Variants in JAK2 observed in about 807,000 individuals in gnomAD.
The protein encoded by JAK2 is Janus kinase 2.
JAK2 carries 86 observed loss-of-function variants against 139.3 expected under a neutral mutation model. The observed-to-expected ratio is 0.62, with a 90% confidence interval of 0.52 to 0.74. The LOEUF is 0.74. JAK2 is among the 30% of genes least tolerant of loss of function. The probability of loss-of-function intolerance (pLI) is 0.00; values close to 1 mark genes in which losing one functional copy is unlikely to be tolerated. For missense variants in JAK2, 1,421 were observed against 1,360.3 expected, an observed-to-expected ratio of 1.04 and a Z score of -0.70; for synonymous variants, 490 against 437.7, an observed-to-expected ratio of 1.12 and a Z score of -1.49.
chr9:5,086,182 G>C (rs1275120677), intron 19 of JAK2: 3 of 483,284 alleles, frequency 6.2e-6, no homozygotes, highest in Non-Finnish European at 8.5e-6. Context: ...CCGGTCTCCA[G>C]CAACAGCCGC....
chr9:5,041,896 G>C, intron 4 of JAK2: 1 of 415,916 alleles, frequency 2.4e-6, no homozygotes, highest in Non-Finnish European at 4.6e-6. Context: ...CAGGGCGCCT[G>C]CAGAGATGGA....
At chr9:5,100,208 T>G (rs1821359017) in intron 22 of JAK2, 1 of 152,198 alleles carries the variant, frequency 6.6e-6, no homozygotes, top group African/African-American at 2.4e-5. Context: ...ACACTACTAG[T>G]AAGCCTTTAT....
At chr9:5,041,996 G>A in intron 4 of JAK2, 1 of 354,930 alleles carries the variant, frequency 2.8e-6, no homozygotes. Flanking sequence ...GAGGGCCTTG[G>A]GGCCCACCCA....
intron 4 of JAK2, among the ~76,000 whole-genome samples, chr9:5,031,783 C>G (rs973332224): frequency 6.6e-6 from 1 of 152,142 alleles, no homozygotes; most frequent in African/African-American, 2.4e-5. Flanking sequence ...AGGGTGGAGC[C>G]AAGATGACTG....
At chr9:5,055,911 C>G in intron 8 of JAK2, 123 bp downstream of exon 8, 1 of 818,636 alleles carries the variant, frequency 1.2e-6, no homozygotes, top group Non-Finnish European at 1.9e-6. Flanking sequence ...AAATATAACT[C>G]TAAACATCAG....
chr9:5,009,592 G>A, intron 2 of JAK2, among the ~76,000 whole-genome samples: 1 of 151,554 alleles, frequency 6.6e-6, no homozygotes, highest in East Asian at 1.9e-4. Flanking sequence ...TTTCTTCTGG[G>A]GTCAGTTGTT....
intron 2 of JAK2, among the ~76,000 whole-genome samples, chr9:5,008,604 A>G (rs1216037066): frequency 1.3e-5 from 2 of 152,210 alleles, no homozygotes; most frequent in Admixed American, 6.5e-5. Context: ...AGTGATTTTT[A>G]TATGTGTGGG....
intron 20 of JAK2, 51 bp from the exon 21 acceptor site, chr9:5,090,395 A>C (rs750738278): frequency 7.8e-7 from 1 of 1,280,686 alleles, no homozygotes; most frequent in East Asian, 2.6e-5. Context: ...CTAATATTTA[A>C]TCAGTATAAT....
At chr9:5,119,640 G>T (rs189958691) in intron 22 of JAK2, among the ~76,000 whole-genome samples, 1 of 152,242 alleles carries the variant, frequency 6.6e-6, no homozygotes, top group East Asian at 1.9e-4. Context: ...AACTTATGAA[G>T]TAAGGTATAT....
chr9:5,076,906 C>T (rs991410063), intron 14 of JAK2, among the ~76,000 whole-genome samples: 5 of 152,010 alleles, frequency 3.3e-5, no homozygotes, highest in Admixed American at 2.0e-4. Context: ...TGGAAGCCAA[C>T]ACTTGTTTTT....
chr9:5,000,479 G>A (rs202073109), intron 2 of JAK2, among the ~76,000 whole-genome samples: 33 of 152,272 alleles, frequency 2.2e-4, no homozygotes, highest in African/African-American at 3.4e-4. Context: ...AAAGAGAAGC[G>A]TAACATAAAA....
intron 22 of JAK2, among the ~76,000 whole-genome samples, 188 bp from the exon 23 acceptor site, chr9:5,122,816 T>C (rs1474329494): frequency 6.6e-6 from 1 of 151,332 alleles, no homozygotes; most frequent in Non-Finnish European, 1.5e-5. Flanking sequence ...AATTGTGGAA[T>C]CCCTCCTGAA....
At chr9:5,125,583 T>G (rs1003931892) in intron 23 of JAK2, among the ~76,000 whole-genome samples, 1 of 151,614 alleles carries the variant, frequency 6.6e-6, no homozygotes, top group Admixed American at 6.6e-5. Context: ...TCAAAATGCT[T>G]TCTAGAAAAG....
chr9:5,037,458 A>G (rs927679469), intron 4 of JAK2, among the ~76,000 whole-genome samples: 2 of 152,268 alleles, frequency 1.3e-5, no homozygotes, highest in Admixed American at 1.3e-4. Context: ...GAACCAAGCT[A>G]GATGTCCAAC....
At chr9:5,104,555 T>C (rs1274781388) in intron 22 of JAK2, among the ~76,000 whole-genome samples, 1 of 152,212 alleles carries the variant, frequency 6.6e-6, no homozygotes, top group South Asian at 2.1e-4. Flanking sequence ...CCCTAACTCA[T>C]TTTATGAGGC....
Position 5,129,459 on chromosome 9 carries a change from A to G in JAK2, c.*2668A>G, listed in dbSNP as rs1179490709. ...TGTTGTATCCCATCCTAATTCTTGTACTGAAATTATTTCTCATGAAAGTTT... is the reference window on the plus strand; with the variant it reads ...TGTTGTATCCCATCCTAATTCTTGTGCTGAAATTATTTCTCATGAAAGTTT... On this transcript the variant is annotated 3_prime_UTR_variant, in exon 25 of 25. Coordinates refer to ENST00000381652, the MANE Select transcript of JAK2 (RefSeq NM_004972.4). Among the ~76,000 whole-genome samples, 7 of 152,218 alleles carry G rather than the reference A, an allele frequency of 4.6e-5. No individual in the cohort carries two copies. The South Asian group carries it at 1.2e-3, about 27-fold the overall frequency.
At chr9:5,116,830 A>G (rs187082494) in intron 22 of JAK2, among the ~76,000 whole-genome samples, 285 of 152,354 alleles carry the variant, frequency 1.9e-3, no homozygotes, top group Non-Finnish European at 3.3e-3. Context: ...CATAATTAGG[A>G]AAAGTCATAT....
At chr9:5,020,370 G>T (rs1423892504) in intron 2 of JAK2, among the ~76,000 whole-genome samples, 1 of 152,150 alleles carries the variant, frequency 6.6e-6, no homozygotes, top group Non-Finnish European at 1.5e-5. Flanking sequence ...TGGGAGTGGG[G>T]TGCTGAGCTG....
chr9:5,084,923 GCAAA>G (rs1819962485), intron 19 of JAK2: 2 of 540,866 alleles, frequency 3.7e-6, no homozygotes, highest in South Asian at 1.6e-5. Flanking sequence ...TGCACATGAA[GCAAA>G]CAAAGTGTAT....
Sources: allele counts gnomAD v4.1 joint callset (sites outside exome capture counted in the v4.1 genomes callset), GRCh38; gene constraint gnomAD v4.1.1; transcripts MANE v1.5; gene names NCBI Gene and HGNC (gene_info 2026-07-23, HGNC 2026-07-21).